Variants in IPO4 observed in about 807,000 individuals in gnomAD.
IPO4 encodes importin-4.
In IPO4, 91 loss-of-function variants were observed where a neutral mutation model predicts 133.5. The ratio of observed to expected loss-of-function variants is 0.68; its 90% CI spans 0.58 to 0.81. The LOEUF (loss-of-function observed/expected upper bound fraction) is 0.81, where lower values mean the gene tolerates loss of function less well. Ranked by LOEUF, IPO4 falls within the 30% of genes least tolerant of loss-of-function variation. The pLI is 0.00. For synonymous variants in IPO4, 607 were observed against 581.6 expected (o/e 1.04, Z -0.63); for missense variants, 1,279 against 1,386.2 (o/e 0.92, Z 1.23).
rs549604232 is a variant in IPO4, at chr14:24,187,309, A to G, written c.588+91T>C. On this transcript the variant is annotated intron_variant, in intron 6 of 29. Transcript: ENST00000354464. ...TTGTCAGGAAGGGCCACAGGCAGGTAAAGAATCCAAAGCAGCTTTGTAACT... is the reference window on the plus strand; with the variant it reads ...TTGTCAGGAAGGGCCACAGGCAGGTGAAGAATCCAAAGCAGCTTTGTAACT... The G allele has an allele frequency of 5.7e-5, 87 of 1,520,598 alleles. 2 individuals are homozygous for G. The South Asian group carries it at 9.2e-4, about 16-fold the overall frequency. 94.2% of individuals were successfully genotyped at this position (1,520,598 alleles called of 1,614,324 possible). A position where few individuals can be genotyped will look rare whatever the true frequency, so the allele number is the denominator to read the frequency against.
chr14:24,185,555 T>G lies in IPO4; in HGVS notation c.1182A>C (p.Pro394=). Residue 394 remains proline (P), a synonymous_variant, in exon 13 of 30, where the codon CCA becomes CCC. Coordinates refer to ENST00000354464, the MANE Select transcript of IPO4 (RefSeq NM_024658.4). ...GGCCCTTGCACACAATCTGCAGCAGTGGGGGCAGCAGTCTGGATGGGGCAA... is the reference window on the plus strand; with the variant it reads ...GGCCCTTGCACACAATCTGCAGCAGGGGGGGCAGCAGTCTGGATGGGGCAA... ...GDHIRQRLLP[P]LLQIVCKGLE... The G allele has an allele frequency of 6.2e-7, 1 of 1,613,914 alleles. No individual in the cohort carries two copies.
At chr14:24,188,070 G>A (rs1325947840) in intron 4 of IPO4, 146 bp downstream of exon 4, 1 of 890,684 alleles carries the variant, frequency 1.1e-6, no homozygotes, top group East Asian at 2.6e-5. Context: ...AAGAACTTTA[G>A]TCTTCAAAAC....
At chr14:24,181,933 C>T in intron 26 of IPO4, 22 bp downstream of exon 26, 2 of 1,609,438 alleles carry the variant, frequency 1.2e-6, no homozygotes, top group African/African-American at 1.3e-5. Context: ...CCAGTCCCTC[C>T]CGTCCTGCGA....
chr14:24,186,578 G>T, intron 9 of IPO4, 127 bp from the exon 10 acceptor site: 1 of 1,364,018 alleles, frequency 7.3e-7, no homozygotes, highest in African/African-American at 1.4e-5. Flanking sequence ...GCAGGAGCTG[G>T]GGTGAGGCCA....
In IPO4 at chr14:24,180,589, G is replaced by A; in HGVS notation, c.3116-17C>T. On this transcript the variant is annotated splice_polypyrimidine_tract_variant and intron_variant, in intron 29 of 29. Transcript: ENST00000354464. ...CCTTGGTGTCTGGGTGGAGAGGGAG[G>A]GAGAAAGGTCGGGGCTCCTAAAGCC... 1.2e-6 allele frequency: 2 copies of A among 1,612,868 alleles called. No individual in the cohort carries two copies. The highest frequency in any genetic ancestry group is 1.7e-6 in the Non-Finnish European group (2 of 1,178,958).
rs2039140558 is a variant in IPO4, at chr14:24,181,769, ATGT to A, written c.2879_2881del (p.Asn960del). ...CAACAGGCGGGCAAGTGCCCCACAG[ATGT>A]TGTCACGGACACGATCATGTCGCTC... On this transcript the variant is annotated inframe_deletion, in exon 27 of 30. Transcript: ENST00000354464. The A allele has an allele frequency of 5.0e-6, 8 of 1,603,084 alleles. No homozygotes were observed. The highest frequency in any genetic ancestry group is 2.7e-5 in the African/African-American group (2 of 74,762).
chr14:24,180,937 A>AT (rs1197937802), intron 28 of IPO4, among the ~76,000 whole-genome samples, 179 bp from the exon 29 acceptor site: 4 of 151,996 alleles, frequency 2.6e-5, no homozygotes, highest in East Asian at 3.9e-4. Context: ...GGTGCTAATG[A>AT]TTTTTTTTGG....
chr14:24,181,431 T>A, intron 28 of IPO4, 82 bp downstream of exon 28: 1 of 1,149,880 alleles, frequency 8.7e-7, no homozygotes, highest in South Asian at 1.3e-5. Context: ...AGCCTGGAGC[T>A]CCCGAGCCTC....
rs904744483 is a variant in IPO4 at position 24,180,385 on chromosome 14, G to A, written c.*57C>T. 3.8e-6 allele frequency: 6 copies of A among 1,574,178 alleles called. No individual in the cohort carries two copies. Among genetic ancestry groups the A allele is most frequent in the Non-Finnish European group, 1.7e-6 (2 of 1,156,404 alleles). On this transcript the variant is annotated 3_prime_UTR_variant, in exon 30 of 30. Coordinates refer to ENST00000354464, the MANE Select transcript of IPO4 (RefSeq NM_024658.4). ...AAGGCAGAACTGAACTGGGCTGAGAGGTGGTCTTAAGGCCTGGGCAGGCTC... is the reference window on the plus strand; with the variant it reads ...AAGGCAGAACTGAACTGGGCTGAGAAGTGGTCTTAAGGCCTGGGCAGGCTC...
At position 24,186,931 on chromosome 14, in the gene IPO4, C is replaced by G; in HGVS notation, c.703G>C (p.Glu235Gln). Residue 235 changes from glutamate to glutamine, a missense_variant, in exon 8 of 30, where the codon GAG (glutamate) becomes CAG (glutamine). Coordinates refer to ENST00000354464, the MANE Select transcript of IPO4 (RefSeq NM_024658.4). ...AGGTAGGGGGTGATGACCGGCACCT[C>G]TGACTCCAACAGTTCATCCAAAGCC... ...LEALDELLES[E>Q]VPVITPYLSE... 6.2e-7 allele frequency: 1 copy of G among 1,614,184 alleles called. No homozygotes were observed.
rs1455872054 is a variant in IPO4 at position 24,183,285 on chromosome 14, G to C, written c.2192C>G (p.Ala731Gly). ...GGGTTCCGAGGGGCAGCTTTGACAG[G>C]CCTTGTGCAGTGCACAGCAAAACTG... is the stretch of plus-strand genomic sequence containing the variant. ...LGQFCCALHK[A>G]CQSCPSEPNT... The change falls in exon 22 of 30, where the codon GCC becomes GGC. Residue 731 changes from alanine (A) to glycine (G), a missense_variant. This residue lies in a region of IPO4 where 575 missense variants were observed against 653.4 expected (regional missense o/e 0.88). Transcript: ENST00000354464. 17 of 1,613,586 alleles carry C rather than the reference G, an allele frequency of 1.1e-5. No homozygotes were observed. The highest frequency in any genetic ancestry group is 1.3e-5 in the Non-Finnish European group (15 of 1,179,812).
At chr14:24,184,453 T>C in intron 16 of IPO4, 35 bp from the exon 17 acceptor site, 2 of 1,592,058 alleles carry the variant, frequency 1.3e-6, no homozygotes, top group South Asian at 2.3e-5. Context: ...CACCAGGAGG[T>C]GGAGGTGGGC....
At position 24,186,955 on chromosome 14, in the gene IPO4, C is replaced by G. The variant is rs752790104; in HGVS notation, c.679G>C (p.Ala227Pro). The G allele has an allele frequency of 2.5e-6, 4 of 1,614,154 alleles. No homozygotes were observed. Among genetic ancestry groups the G allele is most frequent in the Non-Finnish European group, 3.4e-6 (4 of 1,180,022 alleles). ...DEAKACEALE[A>P]LDELLESEVP... Reference sequence around the variant, plus strand: ...TCTGACTCCAACAGTTCATCCAAAGCCTCAAGGGCCTCACAGGCCTTTGCC... The same window carrying G: ...TCTGACTCCAACAGTTCATCCAAAGGCTCAAGGGCCTCACAGGCCTTTGCC... The change falls in exon 8 of 30, where the codon GCT becomes CCT. Residue 227 changes from alanine to proline, a missense_variant. By Grantham distance (27) the Ala-to-Pro change is conservative. This residue lies in a region of IPO4 where 695 missense variants were observed against 704.1 expected (regional missense o/e 0.99). Transcript: ENST00000354464.
In IPO4 at chr14:24,183,673, G is replaced by GT. The variant is rs775778318; in HGVS notation, c.1986-7dup. 6.2e-7 allele frequency: 1 copy of GT among 1,614,152 alleles called. No individual in the cohort carries two copies. Among genetic ancestry groups the GT allele is most frequent in the Non-Finnish European group, 8.5e-7 (1 of 1,180,026 alleles). The stretch of plus-strand genomic sequence containing the variant: ...AGGCATTCTCCACGCTGTACCTAGA[G>GT]TAAGAAGGGGAGGCAGTGGTGATCA... On this transcript the variant is annotated splice_polypyrimidine_tract_variant and splice_region_variant and intron_variant, in intron 19 of 29. Coordinates refer to ENST00000354464, the MANE Select transcript of IPO4 (RefSeq NM_024658.4).
intron 28 of IPO4, 24 bp from the exon 29 acceptor site, chr14:24,180,782 C>G: frequency 6.2e-7 from 1 of 1,609,594 alleles, no homozygotes; most frequent in South Asian, 1.1e-5. Flanking sequence ...GTGGCTGACT[C>G]AGGGCAGCAG....
In IPO4 at chr14:24,182,973, C is replaced by T; in HGVS notation, c.2421+3G>A. 1 of 1,613,104 alleles carries T rather than the reference C, an allele frequency of 6.2e-7. No individual in the cohort carries two copies. Reference sequence around the variant, plus strand: ...CTTCCCGAAGCCCACCTGCCCTGCTCACCTTCCTCTGCAGCACAGCCTTGA... The same window carrying T: ...CTTCCCGAAGCCCACCTGCCCTGCTTACCTTCCTCTGCAGCACAGCCTTGA... On this transcript the variant is annotated splice_donor_region_variant and intron_variant, in intron 23 of 29. Coordinates refer to ENST00000354464, the MANE Select transcript of IPO4 (RefSeq NM_024658.4).
In IPO4 at chr14:24,184,010, G is replaced by C; in HGVS notation, c.1857C>G (p.Thr619=). The change falls in exon 18 of 30, where the codon ACC becomes ACG. Residue 619 remains threonine, a synonymous_variant. Coordinates refer to ENST00000354464, the MANE Select transcript of IPO4 (RefSeq NM_024658.4). The stretch of plus-strand genomic sequence containing the variant: ...ACCCTTTGCTCACCACAATGCCCTC[G>C]GTGGAACGCAGTGACAGCAGCATGA... ...TTLMLLSLRS[T]EGIVPQYDGS... 1 of 1,257,564 alleles carries C rather than the reference G, an allele frequency of 8.0e-7. No homozygotes were observed. Among genetic ancestry groups the C allele is most frequent in the African/African-American group, 1.9e-5 (1 of 51,604 alleles). The allele number at this position is 1,257,564 out of a possible 1,614,324, so 77.9% of individuals were successfully genotyped here.
In IPO4 at chr14:24,188,555, G is replaced by C. The variant is rs978650219; in HGVS notation, c.153C>G (p.Pro51=). 1 of 1,612,032 alleles carries C rather than the reference G, an allele frequency of 6.2e-7. No individual in the cohort carries two copies. The highest frequency in any genetic ancestry group is 8.5e-7 in the Non-Finnish European group (1 of 1,179,266). Residue 51 remains proline (P), a synonymous_variant, in exon 2 of 30, where the codon CCC becomes CCG. Transcript: ENST00000354464. ...AGGGGAGAGTCAGGGGTCTCACCTG[G>C]GGGTCGGCCGCCGAGGCTAGCAGGT... The part of the protein sequence containing the change: ...LCDLLASAAD[P]QIRQFAAVLT...
chr14:24,187,597 A>G lies in IPO4; in HGVS notation c.409-18T>C. 3.1e-6 allele frequency: 5 copies of G among 1,614,034 alleles called. No homozygotes were observed. Among genetic ancestry groups the G allele is most frequent in the Non-Finnish European group, 4.2e-6 (5 of 1,179,926 alleles). On this transcript the variant is annotated intron_variant, in intron 5 of 29. Coordinates refer to ENST00000354464, the MANE Select transcript of IPO4 (RefSeq NM_024658.4). ...AGCCCCATCTGTCCAAGAATAGAGG[A>G]TGGGAGAGCAAGCTTACAAGGTCTA...
Sources: gnomAD v4.1 joint callset for allele counts (sites outside exome capture counted in the v4.1 genomes callset) on GRCh38, gnomAD v4.1.1 for gene constraint, gnomAD v4.1.1 regional missense constraint, MANE v1.5 for transcripts, NCBI Gene and HGNC (gene_info 2026-07-23, HGNC 2026-07-21) for gene names.